Variants in ARHGAP8 observed in about 807,000 individuals in gnomAD.
ARHGAP8 encodes Rho GTPase activating protein 8.
In ARHGAP8, 62 loss-of-function variants were observed where a neutral mutation model predicts 46.1. That is an observed-to-expected ratio of 1.34 (90% CI 1.10 to 1.66). The LOEUF (loss-of-function observed/expected upper bound fraction) is 1.66, where lower values mean the gene tolerates loss of function less well. Ranked by LOEUF, ARHGAP8 falls within the 40% of genes most tolerant of loss-of-function variation. The pLI, the probability that ARHGAP8 is intolerant of heterozygous loss-of-function variation, is 0.00. For synonymous variants in ARHGAP8, 375 were observed against 243.1 expected, an observed-to-expected ratio of 1.54 and a Z score of -5.05; for missense variants, 923 against 568.4, an observed-to-expected ratio of 1.62 and a Z score of -6.34.
At chr22:44,852,353 C>G (rs1392696275) in intron 10 of ARHGAP8, among the ~76,000 whole-genome samples, 1 of 150,788 alleles carries the variant, frequency 6.6e-6, no homozygotes, top group African/African-American at 2.5e-5. Context: ...AGATAAGGCA[C>G]CCTCTGGACA....
chr22:44,834,036 C>T (rs1931129533), intron 7 of ARHGAP8, among the ~76,000 whole-genome samples: 2 of 151,952 alleles, frequency 1.3e-5, no homozygotes, highest in African/African-American at 4.8e-5. Flanking sequence ...GAATCTTCAC[C>T]CTTTTTTTCT....
chr22:44,789,580 C>T (rs1258255413), intron 2 of ARHGAP8, among the ~76,000 whole-genome samples: 2 of 152,192 alleles, frequency 1.3e-5, no homozygotes, highest in Admixed American at 6.5e-5. Flanking sequence ...TCACTACAGC[C>T]TCTACCTCCC....
chr22:44,861,132 C>T (rs997717751), intron 11 of ARHGAP8, among the ~76,000 whole-genome samples: 23 of 152,196 alleles, frequency 1.5e-4, no homozygotes, highest in South Asian at 1.2e-3. Flanking sequence ...CCACCATGCC[C>T]GGCTAATTTT....
intron 2 of ARHGAP8, among the ~76,000 whole-genome samples, chr22:44,794,400 TTC>T (rs369162985): frequency 1.2e-3 from 176 of 152,070 alleles, no homozygotes; most frequent in African/African-American, 4.1e-3. Flanking sequence ...TTTGCTTTTT[TTC>T]TCTCTCTCTC....
chr22:44,798,560 A>C, intron 2 of ARHGAP8, among the ~76,000 whole-genome samples: 2 of 142,480 alleles, frequency 1.4e-5, no homozygotes, highest in African/African-American at 5.3e-5. Context: ...GGGCTGGGGT[A>C]CTCTTCCCCC....
chr22:44,847,038 A>G (rs2069974708), intron 8 of ARHGAP8, among the ~76,000 whole-genome samples: 1 of 152,134 alleles, frequency 6.6e-6, no homozygotes, highest in African/African-American at 2.4e-5. Context: ...CGGGGCTTCG[A>G]GGAAGTTGGG....
At chr22:44,831,899 T>A (rs1048425378) in intron 7 of ARHGAP8, among the ~76,000 whole-genome samples, 1 of 152,192 alleles carries the variant, frequency 6.6e-6, no homozygotes, top group Non-Finnish European at 1.5e-5. Context: ...TGTGAGTCTG[T>A]GAGTCCTCCA....
chr22:44,769,711 C>T (rs1361176472), intron 1 of ARHGAP8, among the ~76,000 whole-genome samples: 1 of 152,074 alleles, frequency 6.6e-6, no homozygotes, highest in African/African-American at 2.4e-5. Flanking sequence ...ATTATTGGTG[C>T]TATTGTAATT....
chr22:44,855,997 T>G (rs1320721678), intron 10 of ARHGAP8, among the ~76,000 whole-genome samples: 2 of 152,124 alleles, frequency 1.3e-5, no homozygotes, highest in Non-Finnish European at 2.9e-5. Flanking sequence ...TCTCACGCAG[T>G]GCGAGTGGGA....
At chr22:44,861,831 C>T (rs890621130) in intron 11 of ARHGAP8, among the ~76,000 whole-genome samples, 1 of 152,184 alleles carries the variant, frequency 6.6e-6, no homozygotes, top group Non-Finnish European at 1.5e-5. Flanking sequence ...CCCCTTCTAG[C>T]AGGCAAGCTC....
Position 44,859,748 on chromosome 22 carries a change from C to A in ARHGAP8, c.895C>A (p.Arg299Ser). 1 of 1,613,796 alleles carries A rather than the reference C, an allele frequency of 6.2e-7. No individual in the cohort carries two copies. Among genetic ancestry groups the A allele is most frequent in the Non-Finnish European group, 8.5e-7 (1 of 1,180,020 alleles). Residue 299 changes from arginine to serine, a missense_variant, in exon 11 of 12, where the codon CGT becomes AGT. By Grantham distance (110) the Arg-to-Ser change is moderately radical (BLOSUM62 -1). Transcript: ENST00000356099. ...LGITCVESSL[R>S]VTGCRQILRS... ...CCTTCCAGGTGTGGAGAGCAGCCTG[C>A]GTGTCACTGGCTGCCGCCAGATCTT...
chr22:44,762,645 G>T (rs1925226695), intron 1 of ARHGAP8, among the ~76,000 whole-genome samples: 2 of 150,598 alleles, frequency 1.3e-5, no homozygotes, highest in Admixed American at 1.3e-4. Context: ...TCGGGTTCAA[G>T]CGATTCTCCT....
intron 1 of ARHGAP8, among the ~76,000 whole-genome samples, chr22:44,770,813 G>A (rs1265545787): frequency 1.3e-5 from 2 of 152,194 alleles, no homozygotes; most frequent in East Asian, 3.8e-4. Context: ...GGTCTTTGCA[G>A]AATTCAGACC....
chr22:44,853,117 T>G (rs1406209893), intron 10 of ARHGAP8, among the ~76,000 whole-genome samples: 1 of 87,560 alleles, frequency 1.1e-5, no homozygotes, highest in Non-Finnish European at 2.2e-5. Context: ...TCCATTTTTT[T>G]AGTCAGGAGA....
intron 6 of ARHGAP8, among the ~76,000 whole-genome samples, chr22:44,825,214 G>T (rs1295782183): frequency 6.6e-6 from 1 of 152,128 alleles, no homozygotes; most frequent in Non-Finnish European, 1.5e-5. Flanking sequence ...TGGTAAGCAG[G>T]TGAGGCTGCT....
At chr22:44,851,885 G>A (rs1246265148) in intron 10 of ARHGAP8, among the ~76,000 whole-genome samples, 1 of 151,796 alleles carries the variant, frequency 6.6e-6, no homozygotes, top group Admixed American at 6.6e-5. Flanking sequence ...AAGCAAGCAA[G>A]AAAGAAAAGA....
chr22:44,788,084 A>T (rs2147051658), intron 2 of ARHGAP8, among the ~76,000 whole-genome samples: 1 of 143,316 alleles, frequency 7.0e-6, no homozygotes, highest in South Asian at 2.1e-4. Flanking sequence ...AGTGTTTAAA[A>T]TTTTTATTAT....
chr22:44,843,786 C>T (rs1931800017), intron 7 of ARHGAP8, among the ~76,000 whole-genome samples: 1 of 142,792 alleles, frequency 7.0e-6, no homozygotes, highest in Admixed American at 7.2e-5. Flanking sequence ...GATCACACCG[C>T]TGTACTCCAA....
At position 44,763,479 on chromosome 22, in the gene ARHGAP8, G is replaced by A. The variant is rs111439077; in HGVS notation, c.-72+10852G>A. On this transcript the variant is annotated intron_variant, in intron 1 of 11. Coordinates refer to ENST00000356099, the MANE Select transcript of ARHGAP8 (RefSeq NM_181335.3). ...TGCATTCCAGCCCGGGTGACAAAGC[G>A]AGACTCTGTCTCAAAAAAAAAAAAA... 6.1e-3 allele frequency among the ~76,000 whole-genome samples: 737 copies of A among 121,424 alleles called. 4 individuals carry two copies. The highest frequency in any genetic ancestry group is 0.023 in the African/African-American group (689 of 30,290). The allele number at this position is 121,424 out of a possible 152,430, so 79.7% of individuals were successfully genotyped here. A position where few individuals can be genotyped will look rare whatever the true frequency, so the allele number is the denominator to read the frequency against.
Sources: gnomAD v4.1 joint callset for allele counts (sites outside exome capture counted in the v4.1 genomes callset) on GRCh38, gnomAD v4.1.1 for gene constraint, MANE v1.5 for transcripts, NCBI Gene and HGNC (gene_info 2026-07-23, HGNC 2026-07-21) for gene names.